HHAT: variants seen among roughly 807,000 people sequenced by gnomAD.
The protein encoded by HHAT is hedgehog acyltransferase, also known as protein-cysteine N-palmitoyltransferase HHAT.
A neutral mutation model predicts 70.8 loss-of-function variants in HHAT; 47 were observed. The ratio of observed to expected loss-of-function variants is 0.66; its 90% confidence interval spans 0.53 to 0.85. The LOEUF is 0.85. Ranked by LOEUF, HHAT falls within the 40% of genes least tolerant of loss-of-function variation. The pLI is 0.00. For synonymous variants in HHAT, 228 were observed against 247.6 expected, an observed-to-expected ratio of 0.92 and a Z score of 0.74; for missense variants, 609 against 604.8, an observed-to-expected ratio of 1.01 and a Z score of -0.07.
chr1:210,593,005 AT>A lies in HHAT; in HGVS notation c.1245+4907del, dbSNP rs1286096228. On this transcript the variant is annotated intron_variant, in intron 10 of 11. Transcript: ENST00000261458. The stretch of plus-strand genomic sequence containing the variant: ...TTAACTCATCATTTACATTAGGTAT[AT>A]CTCCTAATGCTATCCCTCCCCGCTT... Among the ~76,000 whole-genome samples the A allele has an allele frequency of 3.3e-5, 5 of 151,830 alleles. No homozygotes were observed. In the East Asian group the frequency reaches 9.7e-4, roughly 30 times the overall value.
intron 10 of HHAT, among the ~76,000 whole-genome samples, chr1:210,610,567 G>T (rs1016228039): frequency 6.6e-6 from 1 of 152,154 alleles, no homozygotes; most frequent in Non-Finnish European, 1.5e-5. Context: ...TGCTTTTGGG[G>T]ATTTTGTCAT....
intron 9 of HHAT, among the ~76,000 whole-genome samples, chr1:210,580,387 AAGG>A (rs891063010): frequency 9.3e-5 from 12 of 129,046 alleles, no homozygotes; most frequent in African/African-American, 3.1e-4. Flanking sequence ...TAAAAAAAAA[AAGG>A]GGGGATACGT....
At chr1:210,591,718 A>T (rs1169693039) in intron 10 of HHAT, among the ~76,000 whole-genome samples, 1 of 151,976 alleles carries the variant, frequency 6.6e-6, no homozygotes, top group Non-Finnish European at 1.5e-5. Context: ...CTTTTTAGGT[A>T]AAAGCCATTT....
intron 3 of HHAT, among the ~76,000 whole-genome samples, chr1:210,387,115 CTGTT>C (rs2091132413): frequency 6.6e-6 from 1 of 152,100 alleles, no homozygotes; most frequent in Admixed American, 6.5e-5. Context: ...CCTTACGTCT[CTGTT>C]TCATGTTTTG....
intron 3 of HHAT, 116 bp from the exon 4 acceptor site, chr1:210,387,350 CCT>C (rs2091155052): frequency 1.2e-6 from 1 of 805,450 alleles, no homozygotes; most frequent in South Asian, 1.6e-5. Flanking sequence ...GTGTGTAAAT[CCT>C]CTTTTACAGA....
intron 3 of HHAT, among the ~76,000 whole-genome samples, chr1:210,366,120 G>A (rs1281269627): frequency 1.3e-5 from 2 of 151,880 alleles, no homozygotes; most frequent in African/African-American, 2.4e-5. Flanking sequence ...TGTAGAGATG[G>A]GGTCTCACTA....
At chr1:210,505,270 G>A (rs115216236) in intron 8 of HHAT, among the ~76,000 whole-genome samples, 105 of 152,226 alleles carry the variant, frequency 6.9e-4, no homozygotes, top group African/African-American at 2.3e-3. Context: ...GGTATGATAT[G>A]GTGCCAGTTA....
At chr1:210,514,980 T>A (rs554303994) in intron 9 of HHAT, among the ~76,000 whole-genome samples, 2 of 152,330 alleles carry the variant, frequency 1.3e-5, no homozygotes, top group South Asian at 2.1e-4. Context: ...AGTGGTCAAG[T>A]GTCTCTAATG....
At chr1:210,376,293 G>T (rs1402405639) in intron 3 of HHAT, among the ~76,000 whole-genome samples, 1 of 151,818 alleles carries the variant, frequency 6.6e-6, no homozygotes, top group African/African-American at 2.4e-5. Flanking sequence ...ATTTTGTTTT[G>T]CTTATTGTCG....
intron 10 of HHAT, among the ~76,000 whole-genome samples, chr1:210,607,842 A>G (rs1665808879): frequency 6.6e-6 from 1 of 151,842 alleles, no homozygotes; most frequent in Admixed American, 6.6e-5. Flanking sequence ...TGGGATACCC[A>G]CCCCCTAACA....
At chr1:210,484,570 T>G (rs1276735422) in intron 8 of HHAT, among the ~76,000 whole-genome samples, 3 of 152,120 alleles carry the variant, frequency 2.0e-5, no homozygotes, top group Non-Finnish European at 2.9e-5. Context: ...TACTCTGCTC[T>G]TTGTCAAAAT....
chr1:210,382,053 C>G (rs537269391), intron 3 of HHAT, among the ~76,000 whole-genome samples: 2 of 152,276 alleles, frequency 1.3e-5, no homozygotes, highest in South Asian at 4.1e-4. Context: ...GATAACAACA[C>G]AGTACTCCAG....
intron 11 of HHAT, among the ~76,000 whole-genome samples, chr1:210,624,958 G>A (rs145568812): frequency 2.0e-5 from 3 of 152,312 alleles, no homozygotes; most frequent in South Asian, 4.1e-4. Context: ...AGGAGGCAGC[G>A]GTGCTTTTGC....
chr1:210,553,150 A>G (rs2095541879), intron 9 of HHAT, among the ~76,000 whole-genome samples: 2 of 152,154 alleles, frequency 1.3e-5, no homozygotes, highest in Non-Finnish European at 1.5e-5. Context: ...GATGGAACCT[A>G]TGTCTTGGAT....
chr1:210,547,791 A>G (rs1163417859), intron 9 of HHAT, among the ~76,000 whole-genome samples: 3 of 152,204 alleles, frequency 2.0e-5, no homozygotes, highest in Non-Finnish European at 2.9e-5. Flanking sequence ...CTGTGACTCC[A>G]GAACCTCACC....
At chr1:210,452,996 T>C (rs1370519841) in intron 7 of HHAT, among the ~76,000 whole-genome samples, 1 of 152,220 alleles carries the variant, frequency 6.6e-6, no homozygotes. Context: ...AATCAGAGTT[T>C]TTTAGCTCAG....
At chr1:210,572,052 C>T (rs931766602) in intron 9 of HHAT, among the ~76,000 whole-genome samples, 2 of 152,174 alleles carry the variant, frequency 1.3e-5, no homozygotes, top group African/African-American at 4.8e-5. Context: ...GGATGATGGT[C>T]TTGCTTTGTT....
At chr1:210,595,072 A>G (rs1219119853) in intron 10 of HHAT, among the ~76,000 whole-genome samples, 1 of 152,038 alleles carries the variant, frequency 6.6e-6, no homozygotes, top group East Asian at 1.9e-4. Context: ...GCATTAACTC[A>G]TCATTTAGCA....
intron 3 of HHAT, among the ~76,000 whole-genome samples, chr1:210,385,562 A>G (rs1015987815): frequency 6.6e-6 from 1 of 152,230 alleles, no homozygotes; most frequent in African/African-American, 2.4e-5. Flanking sequence ...AAGCAATTCA[A>G]CTACATACAT....
Sources: allele counts gnomAD v4.1 joint callset (sites outside exome capture counted in the v4.1 genomes callset), GRCh38; gene constraint gnomAD v4.1.1; transcripts MANE v1.5; gene names NCBI Gene and HGNC (gene_info 2026-07-23, HGNC 2026-07-21).